RASA4: variants seen among roughly 807,000 people sequenced by gnomAD.
RASA4 encodes ras GTPase-activating protein 4.
RASA4 carries 5 observed loss-of-function variants against 24.0 expected under a neutral mutation model. The ratio of observed to expected loss-of-function variants is 0.21; its 90% confidence interval spans 0.11 to 0.44. The LOEUF is 0.44. Among genes scored for constraint, RASA4 ranks in the 20% least tolerant of loss-of-function variants. The pLI is 0.99. For missense variants in RASA4, 38 were observed against 293.0 expected (o/e 0.13, Z 6.35); for synonymous variants, 9 against 132.7 (o/e 0.07, Z 6.41).
intron 5 of RASA4, among the ~76,000 whole-genome samples, chr7:102,603,856 A>ACCCCC: frequency 9.8e-6 from 1 of 102,068 alleles, no homozygotes; most frequent in Non-Finnish European, 2.4e-5. Context: ...AAAAAAAAAA[A>ACCCCC]AAAACCACCA....
intron 16 of RASA4, among the ~76,000 whole-genome samples, chr7:102,590,730 T>C (rs1789940224): frequency 6.9e-6 from 1 of 145,482 alleles, no homozygotes; most frequent in South Asian, 2.1e-4. Context: ...CACCTGAGGT[T>C]GGGAGTTCGA....
intron 8 of RASA4, among the ~76,000 whole-genome samples, chr7:102,598,355 A>T (rs1368335909): frequency 1.5e-5 from 2 of 132,612 alleles, no homozygotes; most frequent in African/African-American, 5.5e-5. Context: ...TGCTCAAAAA[A>T]AAAAAATATA....
chr7:102,595,415 T>TG, intron 10 of RASA4, 46 bp from the exon 11 acceptor site: 11 of 771,678 alleles, frequency 1.4e-5, no homozygotes, highest in Admixed American at 4.8e-5. Flanking sequence ...ACAAAGCTTT[T>TG]GGGGGAGGGG....
intron 5 of RASA4, among the ~76,000 whole-genome samples, chr7:102,603,132 C>A (rs1361672046): frequency 2.2e-4 from 29 of 132,408 alleles, no homozygotes; most frequent in African/African-American, 7.9e-4. Flanking sequence ...AGCTAATTTT[C>A]GTATTTTCAG....
intron 11 of RASA4, 40 bp downstream of exon 11, chr7:102,595,265 G>C (rs535421274): frequency 1.6e-6 from 2 of 1,258,538 alleles, no homozygotes; most frequent in East Asian, 2.8e-5. Flanking sequence ...GCTCAGTGTT[G>C]TCATTTGCAA....
intron 8 of RASA4, among the ~76,000 whole-genome samples, chr7:102,599,578 A>T (rs1586846925): frequency 7.3e-6 from 1 of 137,268 alleles, no homozygotes; most frequent in Non-Finnish European, 1.6e-5. Context: ...CGGAGCCTGC[A>T]GTGAGTCGAG....
At chr7:102,591,169 A>G (rs1789981854) in intron 16 of RASA4, among the ~76,000 whole-genome samples, 1 of 94,750 alleles carries the variant, frequency 1.1e-5, no homozygotes, top group African/African-American at 5.2e-5. Flanking sequence ...ACGTGCCTGT[A>G]GTCCCAGCTA....
chr7:102,603,817 G>A (rs1790478808), intron 5 of RASA4, among the ~76,000 whole-genome samples: 1 of 140,822 alleles, frequency 7.1e-6, no homozygotes. Context: ...CTCCAGCCTG[G>A]GCGACAGAGC....
At chr7:102,603,865 C>CCAAAA (rs1184093971) in intron 5 of RASA4, among the ~76,000 whole-genome samples, 2 of 80,196 alleles carry the variant, frequency 2.5e-5, no homozygotes, top group Admixed American at 1.4e-4. Flanking sequence ...AAAAAACCAC[C>CCAAAA]AAAAAAAAAA....
Position 102,595,330 on chromosome 7 carries a change from G to T in RASA4, c.1046C>A (p.Ser349Ter), listed in dbSNP as rs141060382. The T allele has an allele frequency of 3.4e-5, 49 of 1,452,176 alleles. No individual in the cohort carries two copies. In the African/African-American group the frequency reaches 6.4e-4, roughly 19 times the overall value. 90.0% of individuals were successfully genotyped at this position (1,452,176 alleles called of 1,614,324 possible). A position where few individuals can be genotyped will look rare whatever the true frequency, so the allele number is the denominator to read the frequency against. Reference protein sequence around the residue: ...NTLFRSNSLASKSMESFLKVA... With the variant: ...NTLFRSNSLA ...CTTCAGAAAAGACTCCATGGACTTT[G>T]AGGCCAGAGAGTTGCTCCGGAACAG... The change falls in exon 11 of 21, where the codon TCA becomes TAA. Residue 349 changes from serine to a stop codon, truncating the protein, a stop_gained. Transcript: ENST00000262940. LOFTEE classifies it high-confidence loss of function.
intron 5 of RASA4, among the ~76,000 whole-genome samples, chr7:102,603,216 C>T (rs1790444340): frequency 7.1e-6 from 1 of 140,394 alleles, no homozygotes; most frequent in Non-Finnish European, 1.6e-5. Flanking sequence ...CTGCCTTGGC[C>T]TCCCAAAGTG....
At chr7:102,597,916 G>C (rs1413239796) in intron 8 of RASA4, among the ~76,000 whole-genome samples, 1 of 79,532 alleles carries the variant, frequency 1.3e-5, no homozygotes, top group Non-Finnish European at 3.1e-5. Context: ...GGCTGGTCTC[G>C]AACTCGTGAC....
At chr7:102,597,601 T>C (rs1790274339) in intron 8 of RASA4, among the ~76,000 whole-genome samples, 2 of 127,238 alleles carry the variant, frequency 1.6e-5, no homozygotes, top group Non-Finnish European at 3.6e-5. Flanking sequence ...AATTTTTGTA[T>C]TTTTAGTACA....
At chr7:102,608,276 T>TTTA (rs372805684) in intron 4 of RASA4, among the ~76,000 whole-genome samples, 2,309 of 63,408 alleles carry the variant, frequency 0.036, 24 homozygotes, top group African/African-American at 0.13. Flanking sequence ...GCCTTTTTTT[T>TTTA]AAAAAAAAAC....
chr7:102,597,630 T>G (rs1378989666), intron 8 of RASA4, among the ~76,000 whole-genome samples: 2 of 136,272 alleles, frequency 1.5e-5, no homozygotes, highest in Admixed American at 1.5e-4. Flanking sequence ...TTCACCATGT[T>G]GGCCAGGCTG....
At chr7:102,591,005 G>C (rs1291169537) in intron 16 of RASA4, among the ~76,000 whole-genome samples, 9 of 143,254 alleles carry the variant, frequency 6.3e-5, no homozygotes, top group Non-Finnish European at 1.5e-5. Flanking sequence ...TTTCAACCCT[G>C]GCAAGGAAGA....
intron 16 of RASA4, among the ~76,000 whole-genome samples, chr7:102,590,638 A>G (rs1158254263): frequency 7.3e-6 from 1 of 137,860 alleles, no homozygotes; most frequent in Non-Finnish European, 1.5e-5. Flanking sequence ...TTGTAGTCCC[A>G]GGCTCTAATA....
chr7:102,606,281 TGTG>T (rs1255634749), intron 4 of RASA4: 1 of 413,900 alleles, frequency 2.4e-6, no homozygotes, highest in African/African-American at 1.9e-5. Flanking sequence ...GTGAGCCAGG[TGTG>T]GTGGCGCATG....
At chr7:102,605,677 T>A (rs1790607119) in intron 5 of RASA4, among the ~76,000 whole-genome samples, 181 bp downstream of exon 5, 1 of 152,196 alleles carries the variant, frequency 6.6e-6, no homozygotes, top group Admixed American at 6.5e-5. Context: ...CCCAAAGTGC[T>A]GGGATTACAG....
Sources: allele counts gnomAD v4.1 joint callset (sites outside exome capture counted in the v4.1 genomes callset), GRCh38; gene constraint gnomAD v4.1.1; transcripts MANE v1.5; gene names NCBI Gene and HGNC (gene_info 2026-07-23, HGNC 2026-07-21).